The following MSI2 variants were observed in gnomAD, a reference collection of about 807,000 sequenced individuals.
MSI2 encodes the protein RNA-binding protein Musashi homolog 2.
Under a neutral mutation model 45.6 loss-of-function variants are expected in MSI2, and 17 were observed. The observed-to-expected ratio is 0.37, with a 90% confidence interval of 0.26 to 0.56. The LOEUF (loss-of-function observed/expected upper bound fraction) is 0.56, where lower values mean the gene tolerates loss of function less well. Ranked by LOEUF, MSI2 falls within the 20% of genes least tolerant of loss-of-function variation. The pLI is 0.77. For missense variants in MSI2, 293 were observed against 444.2 expected, an observed-to-expected ratio of 0.66 and a Z score of 3.06; for synonymous variants, 156 against 158.2, an observed-to-expected ratio of 0.99 and a Z score of 0.11.
intron 6 of MSI2, among the ~76,000 whole-genome samples, chr17:57,486,224 C>T (rs1440906167): frequency 6.6e-6 from 1 of 152,228 alleles, no homozygotes; most frequent in Non-Finnish European, 1.5e-5. Context: ...AGACAATACC[C>T]TCCCTCTAAT....
chr17:57,615,742 C>T (rs1316676131), intron 8 of MSI2, among the ~76,000 whole-genome samples: 2 of 152,182 alleles, frequency 1.3e-5, no homozygotes, highest in Non-Finnish European at 2.9e-5. Context: ...TCCTTGCCAC[C>T]CCTCCAGAAC....
chr17:57,679,716 TAA>T lies in MSI2; in HGVS notation c.*200_*201del. ...ATCTCATCATCTCACGAATCTGCTGTAATATAAGACAACAGCTTTTAAATGTG... is the reference window on the plus strand; with the variant it reads ...ATCTCATCATCTCACGAATCTGCTGTTATAAGACAACAGCTTTTAAATGTG... On this transcript the variant is annotated 3_prime_UTR_variant, in exon 14 of 14. Coordinates refer to ENST00000284073, the MANE Select transcript of MSI2 (RefSeq NM_138962.4). 1 of 581,322 alleles carries T rather than the reference TAA, an allele frequency of 1.7e-6. No individual in the cohort carries two copies. Among genetic ancestry groups the T allele is most frequent in the Non-Finnish European group, 2.3e-6 (1 of 436,280 alleles). 36.0% of individuals were successfully genotyped at this position (581,322 alleles called of 1,614,324 possible). A position where few individuals can be genotyped will look rare whatever the true frequency, so the allele number is the denominator to read the frequency against.
intron 6 of MSI2, among the ~76,000 whole-genome samples, chr17:57,468,224 T>A (rs752578735): frequency 8.6e-5 from 13 of 150,298 alleles, no homozygotes; most frequent in South Asian, 4.3e-4. Context: ...GCACACAGAG[T>A]CCTTAGAAAC....
At chr17:57,549,745 T>C (rs2087259700) in intron 7 of MSI2, among the ~76,000 whole-genome samples, 1 of 152,208 alleles carries the variant, frequency 6.6e-6, no homozygotes, top group Non-Finnish European at 1.5e-5. Context: ...GATTGGGATT[T>C]GAACCCAGGA....
At chr17:57,331,169 C>T (rs965211167) in intron 5 of MSI2, among the ~76,000 whole-genome samples, 1 of 152,166 alleles carries the variant, frequency 6.6e-6, no homozygotes, top group Non-Finnish European at 1.5e-5. Context: ...CCGCCTCGGC[C>T]TCCGAAAGTG....
intron 5 of MSI2, among the ~76,000 whole-genome samples, chr17:57,347,403 C>G (rs1567772053): frequency 6.6e-6 from 1 of 152,156 alleles, no homozygotes; most frequent in Non-Finnish European, 1.5e-5. Flanking sequence ...ATTATAGCAC[C>G]ACTTTTCAAA....
chr17:57,654,243 T>C (rs1251299659), intron 11 of MSI2, among the ~76,000 whole-genome samples: 1 of 152,208 alleles, frequency 6.6e-6, no homozygotes, highest in Non-Finnish European at 1.5e-5. Flanking sequence ...GGGCAATGAC[T>C]AGACTGTATC....
intron 6 of MSI2, among the ~76,000 whole-genome samples, chr17:57,516,796 CGT>C (rs1205736851): frequency 6.6e-6 from 1 of 152,158 alleles, no homozygotes; most frequent in African/African-American, 2.4e-5. Flanking sequence ...CAAGATCATG[CGT>C]AAGTGGAAAT....
chr17:57,700,630 C>T, the MSI2 span, among the ~76,000 whole-genome samples: 470 of 152,256 alleles, frequency 3.1e-3, 4 homozygotes, highest in East Asian at 0.023. Context: ...GGGCCGGGCG[C>T]GGTTGCTCAT....
At chr17:57,321,202 G>C (rs1913309799) in intron 5 of MSI2, among the ~76,000 whole-genome samples, 1 of 151,942 alleles carries the variant, frequency 6.6e-6, no homozygotes, top group Admixed American at 6.6e-5. Flanking sequence ...AAGTGACCAG[G>C]AGTCTCTTAT....
intron 11 of MSI2, among the ~76,000 whole-genome samples, chr17:57,669,481 G>A (rs560201555): frequency 5.1e-4 from 77 of 152,360 alleles, no homozygotes; most frequent in Admixed American, 7.8e-4. Context: ...GCCTGGAGGA[G>A]TTTCTTGCTA....
chr17:57,624,041 G>C (rs188862347), intron 9 of MSI2, among the ~76,000 whole-genome samples: 1 of 152,176 alleles, frequency 6.6e-6, no homozygotes, highest in Non-Finnish European at 1.5e-5. Flanking sequence ...ACCCAAAGTT[G>C]GGGTGAACTT....
intron 6 of MSI2, among the ~76,000 whole-genome samples, chr17:57,453,990 G>A (rs2085065307): frequency 6.6e-6 from 1 of 152,162 alleles, no homozygotes; most frequent in Admixed American, 6.5e-5. Context: ...GGAAGAAAGG[G>A]CTGCATGACC....
In MSI2 at chr17:57,410,008, C is replaced by CAAAAAAAAAAAAAAAAAAA. The variant is rs59098048; in HGVS notation, c.405+8554_405+8555insAAAAAAAAAAAAAAAAAAA. On this transcript the variant is annotated intron_variant, in intron 6 of 13. Coordinates refer to ENST00000284073, the MANE Select transcript of MSI2 (RefSeq NM_138962.4). The stretch of plus-strand genomic sequence containing the variant: ...GGGTGACAGTGTGAGACTCTGTCTC[C>CAAAAAAAAAAAAAAAAAAA]AAAAAAAAAAAAAAAAATGGGGAGT... Among the ~76,000 whole-genome samples the CAAAAAAAAAAAAAAAAAAA allele has an allele frequency of 2.6e-3, 158 of 61,626 alleles. 10 individuals carry two copies. Among genetic ancestry groups the CAAAAAAAAAAAAAAAAAAA allele is most frequent in the African/African-American group, 7.1e-3 (119 of 16,670 alleles). The allele number at this position is 61,626 out of a possible 152,430, so 40.4% of individuals were successfully genotyped here.
intron 7 of MSI2, among the ~76,000 whole-genome samples, chr17:57,555,525 T>C (rs2087413890): frequency 6.6e-6 from 1 of 152,132 alleles, no homozygotes; most frequent in African/African-American, 2.4e-5. Context: ...TGTCAACTTT[T>C]GCACATATTA....
intron 6 of MSI2, among the ~76,000 whole-genome samples, chr17:57,465,721 A>G (rs1320387115): frequency 6.6e-6 from 1 of 152,122 alleles, no homozygotes; most frequent in Non-Finnish European, 1.5e-5. Flanking sequence ...CTGAGTGGCC[A>G]TGCTCTCCTG....
chr17:57,512,273 T>C lies in MSI2; in HGVS notation c.406-17403T>C, dbSNP rs77531459. Reference sequence around the variant, plus strand: ...GGTAAATATGAGTTGATTAATTTTTTTTTTCAAATGAATGAATGGATTCTA... The same window carrying C: ...GGTAAATATGAGTTGATTAATTTTTCTTTTCAAATGAATGAATGGATTCTA... On this transcript the variant is annotated intron_variant, in intron 6 of 13. Transcript: ENST00000284073. 6.5e-3 allele frequency among the ~76,000 whole-genome samples: 984 copies of C among 152,318 alleles called. 15 individuals are homozygous for C. Among genetic ancestry groups the C allele is most frequent in the African/African-American group, 0.022 (921 of 41,574 alleles).
chr17:57,257,222 C>CT (rs1178334257), intron 2 of MSI2, 84 bp downstream of exon 2: 9 of 484,590 alleles, frequency 1.9e-5, no homozygotes, highest in Admixed American at 1.0e-4. Flanking sequence ...AGGAGCCCCC[C>CT]CCCCCCCGCC....
intron 5 of MSI2, among the ~76,000 whole-genome samples, chr17:57,356,293 G>T (rs1008378442): frequency 6.6e-6 from 1 of 152,104 alleles, no homozygotes; most frequent in Non-Finnish European, 1.5e-5. Context: ...TTTTTGGCGG[G>T]CATGTTTCTT....
Sources: allele counts gnomAD v4.1 joint callset (sites outside exome capture counted in the v4.1 genomes callset), GRCh38; gene constraint gnomAD v4.1.1; transcripts MANE v1.5; gene names NCBI Gene and HGNC (gene_info 2026-07-23, HGNC 2026-07-21).